PIR: variants seen among roughly 807,000 people sequenced by gnomAD.
PIR encodes pirin (iron-binding nuclear protein).
Under a neutral mutation model 24.2 loss-of-function variants are expected in PIR, and 22 were observed. The ratio of observed to expected loss-of-function variants is 0.91; its 90% confidence interval spans 0.65 to 1.30. The LOEUF (loss-of-function observed/expected upper bound fraction) is 1.30, where lower values mean the gene tolerates loss of function less well. PIR is among the 50% of genes most tolerant of loss of function. The probability of loss-of-function intolerance (pLI) is 0.00; values close to 1 mark genes in which losing one functional copy is unlikely to be tolerated. For synonymous variants in PIR, 80 were observed against 79.6 expected, an observed-to-expected ratio of 1.00 and a Z score of -0.03; for missense variants, 220 against 220.3, an observed-to-expected ratio of 1.00 and a Z score of 0.01.
intron 6 of PIR, among the ~76,000 whole-genome samples, chrX:15,412,172 GGA>G (rs1289322240): frequency 8.9e-6 from 1 of 112,203 alleles, no homozygotes; most frequent in Non-Finnish European, 1.9e-5. Flanking sequence ...TGCTTTTTAT[GGA>G]AAAGGAGAAA....
chrX:15,395,414 T>C (rs1329966321), intron 8 of PIR, among the ~76,000 whole-genome samples: 1 of 111,995 alleles, frequency 8.9e-6, no homozygotes, highest in African/African-American at 3.2e-5. Flanking sequence ...TCCACTGTTA[T>C]TGGATAAAAG....
intron 6 of PIR, among the ~76,000 whole-genome samples, chrX:15,417,101 G>A (rs752027865): frequency 5.2e-4 from 57 of 108,740 alleles, no homozygotes; most frequent in African/African-American, 1.5e-3. Flanking sequence ...AGGCCCGCAC[G>A]ACCATGCCTG....
chrX:15,462,526 C>T (rs1306844435), intron 3 of PIR, among the ~76,000 whole-genome samples: 1 of 112,308 alleles, frequency 8.9e-6, no homozygotes, highest in Admixed American at 9.4e-5. Context: ...TCAGCATATA[C>T]ATCAGATATT....
chrX:15,422,895 C>A (rs1286698293), intron 6 of PIR, among the ~76,000 whole-genome samples: 1 of 111,698 alleles, frequency 9.0e-6, no homozygotes, highest in Non-Finnish European at 1.9e-5. Context: ...AAGCTGGAGG[C>A]ATCACACTGC....
At position 15,473,326 on chromosome X, in the gene PIR, G is replaced by GC. The variant is rs376183427; in HGVS notation, c.189+6402dup. ...TAAACATCCTGCAATGCGTGGAACA[G>GC]CCCCCCCATAGCAAAGAATTATGCA... is the stretch of plus-strand genomic sequence containing the variant. On this transcript the variant is annotated intron_variant, in intron 3 of 9. Coordinates refer to ENST00000380420, the MANE Select transcript of PIR (RefSeq NM_001018109.3). 3.1e-3 allele frequency among the ~76,000 whole-genome samples: 346 copies of GC among 111,005 alleles called. 4 individuals are homozygous for GC. The highest frequency in any genetic ancestry group is 0.011 in the African/African-American group (334 of 30,507).
At chrX:15,455,764 C>T in intron 5 of PIR, 84 bp downstream of exon 5, 1 of 754,926 alleles carries the variant, frequency 1.3e-6, no homozygotes, top group Non-Finnish European at 2.0e-6. Flanking sequence ...TTTTGGTAAA[C>T]CTAGTGAGAG....
rs1193474348 is a variant in PIR, at chrX:15,484,306, C to CTTTTTTTTT, written c.97-4494_97-4486dup. On this transcript the variant is annotated intron_variant, in intron 2 of 9. Coordinates refer to ENST00000380420, the MANE Select transcript of PIR (RefSeq NM_001018109.3). The stretch of plus-strand genomic sequence containing the variant: ...GAGCGGTAGATACAGTCTCAATTTT[C>CTTTTTTTTT]TTTTTTTTTTTTTTTTTTTTTTTTT... Among the ~76,000 whole-genome samples the CTTTTTTTTT allele has an allele frequency of 2.7e-4, 18 of 67,482 alleles. 3 individuals are homozygous for CTTTTTTTTT. Among genetic ancestry groups the CTTTTTTTTT allele is most frequent in the South Asian group, 1.2e-3 (1 of 828 alleles). The allele number at this position is 67,482 out of a possible 115,157, so 58.6% of individuals were successfully genotyped here. A position where few individuals can be genotyped will look rare whatever the true frequency, so the allele number is the denominator to read the frequency against.
chrX:15,451,444 A>C (rs1920965479), intron 5 of PIR, among the ~76,000 whole-genome samples: 1 of 110,659 alleles, frequency 9.0e-6, no homozygotes, highest in South Asian at 3.8e-4. Context: ...CTTACTTCCT[A>C]GTCCCTTAAA....
At chrX:15,485,796 T>C (rs1922778009) in intron 2 of PIR, among the ~76,000 whole-genome samples, 1 of 112,263 alleles carries the variant, frequency 8.9e-6, no homozygotes, top group Non-Finnish European at 1.9e-5. Flanking sequence ...TTCCTAACAT[T>C]CTCTAAACAT....
At chrX:15,473,485 T>G (rs984983488) in intron 3 of PIR, among the ~76,000 whole-genome samples, 1 of 112,581 alleles carries the variant, frequency 8.9e-6, no homozygotes, top group Non-Finnish European at 1.9e-5. Context: ...AATATATAAT[T>G]TTCTTATAGA....
chrX:15,413,050 T>C (rs939274896), intron 6 of PIR, among the ~76,000 whole-genome samples: 1 of 112,606 alleles, frequency 8.9e-6, no homozygotes, highest in Non-Finnish European at 1.9e-5. Context: ...CTATTGTATG[T>C]CTGTATAAAC....
chrX:15,391,127 T>C (rs955257158), intron 8 of PIR, among the ~76,000 whole-genome samples: 4 of 112,295 alleles, frequency 3.6e-5, no homozygotes, highest in Middle Eastern at 4.7e-3. Context: ...AGAAAAACTA[T>C]CAAGTGGCTA....
At chrX:15,405,778 C>CT (rs755589666) in intron 7 of PIR, among the ~76,000 whole-genome samples, 8 of 112,269 alleles carry the variant, frequency 7.1e-5, no homozygotes, top group African/African-American at 1.9e-4. Context: ...TACTACAAGA[C>CT]TTTTTTTCAC....
chrX:15,451,589 C>A (rs926260978), intron 5 of PIR, among the ~76,000 whole-genome samples: 1 of 111,285 alleles, frequency 9.0e-6, no homozygotes, highest in Non-Finnish European at 1.9e-5. Flanking sequence ...ACCTTCATTT[C>A]TCTTATTCCA....
chrX:15,407,553 G>T lies in PIR; in HGVS notation c.566-3C>A. 1 of 1,187,696 alleles carries T rather than the reference G, an allele frequency of 8.4e-7. No individual in the cohort carries two copies. The highest frequency in any genetic ancestry group is 1.1e-6 in the Non-Finnish European group (1 of 873,770). Reference sequence around the variant, plus strand: ...CGTGTAAATGAAGCTTGTCCACCCTGGAAAGGACCAGCAACATTAACATGT... The same window carrying T: ...CGTGTAAATGAAGCTTGTCCACCCTTGAAAGGACCAGCAACATTAACATGT... On this transcript the variant is annotated splice_region_variant and splice_polypyrimidine_tract_variant and intron_variant, in intron 6 of 9. Coordinates refer to ENST00000380420, the MANE Select transcript of PIR (RefSeq NM_001018109.3).
chrX:15,484,507 G>A (rs1328754159), intron 2 of PIR, among the ~76,000 whole-genome samples: 1 of 108,764 alleles, frequency 9.2e-6, no homozygotes, highest in Non-Finnish European at 1.9e-5. Flanking sequence ...TAAAGACGAG[G>A]TTTCACCATG....
At chrX:15,417,685 A>G (rs770935433) in intron 6 of PIR, among the ~76,000 whole-genome samples, 1 of 111,568 alleles carries the variant, frequency 9.0e-6, no homozygotes, top group Non-Finnish European at 1.9e-5. Context: ...CTGTAGGGGG[A>G]CATTTGTTTT....
intron 6 of PIR, among the ~76,000 whole-genome samples, chrX:15,418,745 C>A (rs1156891130): frequency 8.9e-6 from 1 of 112,128 alleles, no homozygotes; most frequent in Non-Finnish European, 1.9e-5. Flanking sequence ...AAAACCTAGT[C>A]TGATTCATGA....
intron 2 of PIR, among the ~76,000 whole-genome samples, chrX:15,483,402 C>T (rs1922621200): frequency 9.1e-6 from 1 of 110,364 alleles, no homozygotes; most frequent in Non-Finnish European, 1.9e-5. Flanking sequence ...CTTAAAATCC[C>T]TCTTACCCCT....
Sources: gnomAD v4.1 joint callset for allele counts (sites outside exome capture counted in the v4.1 genomes callset) on GRCh38, gnomAD v4.1.1 for gene constraint, MANE v1.5 for transcripts, NCBI Gene and HGNC (gene_info 2026-07-23, HGNC 2026-07-21) for gene names.